The following MAST4 variants were observed in gnomAD, a reference collection of about 807,000 sequenced individuals.
MAST4 encodes microtubule associated serine/threonine kinase family member 4, also known as microtubule-associated serine/threonine-protein kinase 4.
A neutral mutation model predicts 162.7 loss-of-function variants in MAST4; 89 were observed. That is an observed-to-expected ratio of 0.55 (90% CI 0.46 to 0.65). The LOEUF is 0.65. Among genes scored for constraint, MAST4 ranks in the 30% least tolerant of loss-of-function variants. MAST4 has a pLI of 0.00. For synonymous variants in MAST4, 1,479 were observed against 1,361.1 expected, an observed-to-expected ratio of 1.09 and a Z score of -1.91; for missense variants, 3,153 against 3,374.0, an observed-to-expected ratio of 0.93 and a Z score of 1.62.
At chr5:67,102,077 G>T (rs1765090625) in intron 8 of MAST4, among the ~76,000 whole-genome samples, 1 of 151,138 alleles carries the variant, frequency 6.6e-6, no homozygotes, top group African/African-American at 2.4e-5. Flanking sequence ...AAGACTTTCA[G>T]ACTTCTTCAG....
intron 4 of MAST4, among the ~76,000 whole-genome samples, chr5:66,946,733 T>C (rs1382739067): frequency 4.6e-5 from 7 of 152,204 alleles, no homozygotes; most frequent in Non-Finnish European, 7.4e-5. Context: ...CACGTAATGC[T>C]AAAAGTTCAG....
intron 10 of MAST4, among the ~76,000 whole-genome samples, chr5:67,107,649 G>T (rs918700553): frequency 1.3e-5 from 2 of 152,178 alleles, no homozygotes; most frequent in African/African-American, 4.8e-5. Flanking sequence ...GTGACATTCT[G>T]TGCTCTGTAG....
chr5:67,067,654 A>G (rs2561450), intron 5 of MAST4, among the ~76,000 whole-genome samples: 50,846 of 151,948 alleles, frequency 0.33, 9,744 homozygotes, highest in African/African-American at 0.53. Context: ...TTTCATTTTG[A>G]TATACCAACC....
chr5:66,756,813 G>A (rs1227477614), intron 1 of MAST4, among the ~76,000 whole-genome samples: 1 of 152,186 alleles, frequency 6.6e-6, no homozygotes, highest in South Asian at 2.1e-4. Context: ...CGGATGTGAA[G>A]AGGAAATGGG....
rs111723500 is a variant in MAST4 at position 66,785,091 on chromosome 5, C to T, written c.518-3579C>T. 3.2e-3 allele frequency among the ~76,000 whole-genome samples: 488 copies of T among 152,054 alleles called. 1 individual carries two copies. Among genetic ancestry groups the T allele is most frequent in the African/African-American group, 0.011 (459 of 41,468 alleles). On this transcript the variant is annotated intron_variant, in intron 2 of 28. Coordinates refer to ENST00000403625, the MANE Select transcript of MAST4 (RefSeq NM_001164664.2). Reference sequence around the variant, plus strand: ...CTACTAAAAACAAAAATTAGCTGGGCGTGGTGGTGCGTGCCTGTAATCCCA... The same window carrying T: ...CTACTAAAAACAAAAATTAGCTGGGTGTGGTGGTGCGTGCCTGTAATCCCA...
intron 5 of MAST4, among the ~76,000 whole-genome samples, chr5:67,078,930 ATATATAT>A (rs1227962784): frequency 7.9e-5 from 5 of 63,134 alleles, no homozygotes; most frequent in African/African-American, 3.3e-4. Context: ...ATATATATAT[ATATATAT>A]ATATATATAT....
chr5:66,915,023 G>T (rs186196392), intron 4 of MAST4, among the ~76,000 whole-genome samples: 332 of 152,232 alleles, frequency 2.2e-3, no homozygotes, highest in African/African-American at 7.6e-3. Flanking sequence ...AGCACTTTGG[G>T]AGGCAGAGGT....
At chr5:66,658,323 A>C (rs1746684911) in intron 1 of MAST4, among the ~76,000 whole-genome samples, 1 of 152,240 alleles carries the variant, frequency 6.6e-6, no homozygotes, top group Non-Finnish European at 1.5e-5. Flanking sequence ...AAAGGAATGC[A>C]GTTCCATTCT....
intron 1 of MAST4, among the ~76,000 whole-genome samples, chr5:66,648,436 T>A (rs373651895): frequency 1.1e-3 from 172 of 152,226 alleles, no homozygotes; most frequent in South Asian, 0.011. Flanking sequence ...CCATAATTTA[T>A]ATTTTGGTTT....
At chr5:67,158,814 C>T (rs971162357) in intron 26 of MAST4, among the ~76,000 whole-genome samples, 12 of 152,144 alleles carry the variant, frequency 7.9e-5, no homozygotes, top group African/African-American at 2.2e-4. Context: ...GCAGGCAGAT[C>T]GCCTGAGGTC....
At chr5:67,110,380 G>A (rs1188912921) in intron 11 of MAST4, among the ~76,000 whole-genome samples, 181 bp downstream of exon 11, 2 of 152,164 alleles carry the variant, frequency 1.3e-5, no homozygotes, top group African/African-American at 2.4e-5. Flanking sequence ...ATTTTAAAGA[G>A]ACTTCTAGGA....
At chr5:66,669,801 G>A (rs572922926) in intron 1 of MAST4, among the ~76,000 whole-genome samples, 52 of 152,310 alleles carry the variant, frequency 3.4e-4, no homozygotes, top group African/African-American at 1.3e-3. Flanking sequence ...TGTGGAGGAA[G>A]GAGTTTTGCT....
chr5:66,645,433 C>T (rs566176433), intron 1 of MAST4, among the ~76,000 whole-genome samples: 13 of 152,242 alleles, frequency 8.5e-5, no homozygotes, highest in Admixed American at 7.9e-4. Flanking sequence ...AAAGACGATG[C>T]CTAGGCCAAT....
intron 4 of MAST4, among the ~76,000 whole-genome samples, chr5:66,907,070 G>T (rs1037383214): frequency 6.6e-6 from 1 of 151,514 alleles, no homozygotes; most frequent in Non-Finnish European, 1.5e-5. Flanking sequence ...TTTATCACAC[G>T]ACCAGGAAAG....
chr5:66,898,256 T>C (rs1248829316), intron 3 of MAST4, among the ~76,000 whole-genome samples: 3 of 152,140 alleles, frequency 2.0e-5, no homozygotes, highest in Admixed American at 2.0e-4. Context: ...GAGATCAGCT[T>C]GGGCAATGTA....
chr5:67,114,032 A>T, intron 11 of MAST4, 55 bp from the exon 12 acceptor site: 1 of 1,605,138 alleles, frequency 6.2e-7, no homozygotes, highest in Non-Finnish European at 8.5e-7. Context: ...TATGTAATAA[A>T]ACCTCAGACA....
chr5:67,149,045 G>A (rs908490267), intron 23 of MAST4, among the ~76,000 whole-genome samples: 1 of 152,144 alleles, frequency 6.6e-6, no homozygotes, highest in Non-Finnish European at 1.5e-5. Context: ...ATGGTATGGG[G>A]GGGGTAGGGG....
At chr5:66,656,065 T>A (rs1309545767) in intron 1 of MAST4, among the ~76,000 whole-genome samples, 1 of 152,158 alleles carries the variant, frequency 6.6e-6, no homozygotes, top group Non-Finnish European at 1.5e-5. Flanking sequence ...AATCTGGGAA[T>A]GAAGAAAGCA....
At chr5:66,622,917 T>A (rs1323686879) in intron 1 of MAST4, 1 of 152,292 alleles carries the variant, frequency 6.6e-6, no homozygotes, top group Non-Finnish European at 1.5e-5. Flanking sequence ...TGTGCCCTAA[T>A]GGCCATAGGT....
Sources: gnomAD v4.1 joint callset for allele counts (sites outside exome capture counted in the v4.1 genomes callset) on GRCh38, gnomAD v4.1.1 for gene constraint, MANE v1.5 for transcripts, NCBI Gene and HGNC (gene_info 2026-07-23, HGNC 2026-07-21) for gene names.